The following DTNB variants were observed in gnomAD, a reference collection of about 807,000 sequenced individuals.
The protein encoded by DTNB is DTN-B.
In DTNB, 63 loss-of-function variants were observed where a neutral mutation model predicts 90.7. The ratio of observed to expected loss-of-function variants is 0.69; its 90% confidence interval spans 0.57 to 0.86. The LOEUF is 0.86. Ranked by LOEUF, DTNB falls within the 40% of genes least tolerant of loss-of-function variation. The pLI, the probability that DTNB is intolerant of heterozygous loss-of-function variation, is 0.00. For synonymous variants in DTNB, 277 were observed against 286.7 expected, an observed-to-expected ratio of 0.97 and a Z score of 0.34; for missense variants, 744 against 807.1, an observed-to-expected ratio of 0.92 and a Z score of 0.95.
chr2:25,646,517 C>A (rs1252271721), intron 2 of DTNB, among the ~76,000 whole-genome samples: 1 of 152,098 alleles, frequency 6.6e-6, no homozygotes, highest in Non-Finnish European at 1.5e-5. Context: ...ATTCTCTCTT[C>A]AGCCTGCTAC....
Position 25,583,262 on chromosome 2 carries a change from AATATAT to A in DTNB, c.604-2442_604-2437del, listed in dbSNP as rs1359014707. 3.7e-4 allele frequency among the ~76,000 whole-genome samples: 51 copies of A among 137,482 alleles called. 1 individual carries two copies. The highest frequency in any genetic ancestry group is 1.2e-3 in the African/African-American group (44 of 35,750). The allele number at this position is 137,482 out of a possible 152,430, so 90.2% of individuals were successfully genotyped here. On this transcript the variant is annotated intron_variant, in intron 6 of 20. Transcript: ENST00000406818. ...ATTCCGTCTCAAAAAAAAAAAAAAAAATATATATATATATATATACACACACATACA... is the reference window on the plus strand; with the variant it reads ...ATTCCGTCTCAAAAAAAAAAAAAAAAATATATATATATACACACACATACA...
At chr2:25,635,020 C>A (rs1167220857) in intron 3 of DTNB, among the ~76,000 whole-genome samples, 1 of 143,166 alleles carries the variant, frequency 7.0e-6, no homozygotes, top group African/African-American at 2.5e-5. Context: ...CCTGCCAAAT[C>A]CCCCTCTGCG....
chr2:25,389,812 T>C (rs2040566075), intron 16 of DTNB, among the ~76,000 whole-genome samples: 3 of 151,548 alleles, frequency 2.0e-5, no homozygotes, highest in Non-Finnish European at 4.4e-5. Context: ...TCAACAGAAA[T>C]GGATTGTTTT....
chr2:25,624,677 C>T (rs1460478738), intron 4 of DTNB, among the ~76,000 whole-genome samples: 1 of 152,152 alleles, frequency 6.6e-6, no homozygotes, highest in African/African-American at 2.4e-5. Context: ...TTTTAAGTAA[C>T]AAACCTTAAA....
At chr2:25,434,874 TTTTA>T (rs1312516652) in intron 12 of DTNB, among the ~76,000 whole-genome samples, 3 of 152,170 alleles carry the variant, frequency 2.0e-5, no homozygotes, top group African/African-American at 4.8e-5. Flanking sequence ...ACACCTGTTG[TTTTA>T]TTTACTTTTT....
intron 5 of DTNB, among the ~76,000 whole-genome samples, chr2:25,599,914 T>G (rs766555651): frequency 6.7e-6 from 1 of 150,090 alleles, no homozygotes; most frequent in African/African-American, 2.5e-5. Flanking sequence ...CTGGGCAAGA[T>G]AGCAGGACCT....
At chr2:25,638,087 T>C (rs2077474964) in intron 3 of DTNB, among the ~76,000 whole-genome samples, 1 of 152,236 alleles carries the variant, frequency 6.6e-6, no homozygotes, top group African/African-American at 2.4e-5. Context: ...GAAGTCATCA[T>C]TCTCAGCAAA....
At chr2:25,493,195 T>C (rs563970379) in intron 9 of DTNB, among the ~76,000 whole-genome samples, 58 of 152,366 alleles carry the variant, frequency 3.8e-4, no homozygotes, top group South Asian at 1.4e-3. Context: ...AAAGAATTTA[T>C]TATGCCCTAA....
At chr2:25,558,182 C>T in intron 8 of DTNB, 1 of 982,064 alleles carries the variant, frequency 1.0e-6, no homozygotes, top group South Asian at 4.7e-5. Context: ...TGAAGATATA[C>T]AACATATAAC....
chr2:25,589,544 C>T (rs1254194430), intron 6 of DTNB, among the ~76,000 whole-genome samples: 3 of 151,748 alleles, frequency 2.0e-5, no homozygotes, highest in Non-Finnish European at 2.9e-5. Context: ...CCACGCCTGG[C>T]TAATTTTTGT....
At chr2:25,479,964 C>T (rs1431513186) in intron 10 of DTNB, among the ~76,000 whole-genome samples, 2 of 152,176 alleles carry the variant, frequency 1.3e-5, no homozygotes, top group South Asian at 4.2e-4. Flanking sequence ...TCCTGGCTTC[C>T]GTTAGACTCT....
At chr2:25,549,816 ACACCCGG>A (rs1408654766) in intron 8 of DTNB, among the ~76,000 whole-genome samples, 1 of 151,806 alleles carries the variant, frequency 6.6e-6, no homozygotes, top group African/African-American at 2.4e-5. Context: ...ATGCACAACC[ACACCCGG>A]CTAATTTTTG....
intron 10 of DTNB, among the ~76,000 whole-genome samples, chr2:25,479,900 G>A (rs957827642): frequency 5.3e-5 from 8 of 152,100 alleles, no homozygotes; most frequent in African/African-American, 1.7e-4. Context: ...CTATCTCCGC[G>A]AGCATTCCTG....
chr2:25,652,544 A>C, intron 2 of DTNB, 50 bp downstream of exon 2: 1 of 1,553,050 alleles, frequency 6.4e-7, no homozygotes, highest in African/African-American at 1.4e-5. Context: ...AAAAAAAAAA[A>C]AAAACCACAC....
At chr2:25,531,171 T>A (rs959401706) in intron 9 of DTNB, among the ~76,000 whole-genome samples, 7 of 152,168 alleles carry the variant, frequency 4.6e-5, no homozygotes, top group African/African-American at 1.7e-4. Flanking sequence ...ATTTAAGGAA[T>A]GAACCCAAAA....
intron 15 of DTNB, among the ~76,000 whole-genome samples, chr2:25,423,049 T>C (rs2050294936): frequency 6.6e-6 from 1 of 151,942 alleles, no homozygotes; most frequent in South Asian, 2.1e-4. Flanking sequence ...AATCAGCTGG[T>C]TGTGGTGGCG....
intron 9 of DTNB, among the ~76,000 whole-genome samples, chr2:25,494,429 A>T (rs1474920051): frequency 1.5e-5 from 2 of 129,240 alleles, no homozygotes; most frequent in East Asian, 5.3e-4. Flanking sequence ...CAGGACTACT[A>T]GCCTCAAATC....
At chr2:25,537,971 G>A (rs563133126) in intron 8 of DTNB, among the ~76,000 whole-genome samples, 12 of 152,254 alleles carry the variant, frequency 7.9e-5, no homozygotes, top group Middle Eastern at 3.4e-3. Flanking sequence ...AGGTCTTAAC[G>A]TAGAAAGTGA....
At chr2:25,587,728 G>T (rs891983268) in intron 6 of DTNB, among the ~76,000 whole-genome samples, 5 of 152,056 alleles carry the variant, frequency 3.3e-5, no homozygotes, top group Admixed American at 2.6e-4. Flanking sequence ...TCCTTCACAG[G>T]CCCAACTAGA....
Sources: gnomAD v4.1 joint callset for allele counts (sites outside exome capture counted in the v4.1 genomes callset) on GRCh38, gnomAD v4.1.1 for gene constraint, MANE v1.5 for transcripts, NCBI Gene and HGNC (gene_info 2026-07-23, HGNC 2026-07-21) for gene names.